Variants in FBN1 observed in about 807,000 individuals in gnomAD.
FBN1 encodes fibrillin 1, also known as fibrillin-1.
FBN1 carries 29 observed loss-of-function variants against 365.1 expected under a neutral mutation model. The ratio of observed to expected loss-of-function variants is 0.08; its 90% CI spans 0.06 to 0.11. FBN1 has a LOEUF of 0.11. FBN1 is among the 10% of genes least tolerant of loss of function. The pLI, the probability that FBN1 is intolerant of heterozygous loss-of-function variation, is 1.00. For synonymous variants in FBN1, 1,210 were observed against 1,270.5 expected, an observed-to-expected ratio of 0.95 and a Z score of 1.01; for missense variants, 2,476 against 3,703.2, an observed-to-expected ratio of 0.67 and a Z score of 8.60.
At chr15:48,465,536 C>G in intron 40 of FBN1, 32 bp downstream of exon 40, 3 of 1,613,472 alleles carry the variant, frequency 1.9e-6, no homozygotes, top group Non-Finnish European at 2.5e-6. Context: ...TTGATATCTG[C>G]AAGACCTTAT....
intron 32 of FBN1, among the ~76,000 whole-genome samples, chr15:48,481,444 C>A (rs559792042): frequency 6.6e-6 from 1 of 152,022 alleles, no homozygotes; most frequent in South Asian, 2.1e-4. Context: ...CCTTTTTCCC[C>A]CCACAGGTCA....
chr15:48,416,107 G>C (rs1360507819), intron 63 of FBN1, among the ~76,000 whole-genome samples: 1 of 152,162 alleles, frequency 6.6e-6, no homozygotes, highest in African/African-American at 2.4e-5. Context: ...TAAACATCCG[G>C]TCATGAACCA....
chr15:48,447,152 G>A (rs867495653), intron 46 of FBN1, among the ~76,000 whole-genome samples: 5 of 152,094 alleles, frequency 3.3e-5, no homozygotes, highest in Non-Finnish European at 5.9e-5. Context: ...ACTTGAAAAT[G>A]GAAAAAACTC....
chr15:48,586,224 TG>T (rs1423876817), intron 6 of FBN1, among the ~76,000 whole-genome samples: 1 of 152,030 alleles, frequency 6.6e-6, no homozygotes, highest in Non-Finnish European at 1.5e-5. Flanking sequence ...TTAAAGTGAA[TG>T]GCAAAAACCA....
At chr15:48,617,243 C>T (rs925588884) in intron 2 of FBN1, among the ~76,000 whole-genome samples, 7 of 152,018 alleles carry the variant, frequency 4.6e-5, no homozygotes, top group East Asian at 3.9e-4. Context: ...AGTGCGATCT[C>T]GGCTCACCTC....
chr15:48,604,109 T>C (rs2044588027), intron 4 of FBN1, among the ~76,000 whole-genome samples: 1 of 148,370 alleles, frequency 6.7e-6, no homozygotes, highest in African/African-American at 2.6e-5. Flanking sequence ...AAATGATTCA[T>C]CAGAAAAGAA....
intron 64 of FBN1, 60 bp from the exon 65 acceptor site, chr15:48,412,803 A>T: frequency 6.3e-7 from 1 of 1,595,684 alleles, no homozygotes; most frequent in South Asian, 1.1e-5. Flanking sequence ...GGTAGGTGGT[A>T]CAAGAGTTCT....
At chr15:48,594,100 C>A (rs2044499809) in intron 6 of FBN1, among the ~76,000 whole-genome samples, 2 of 152,166 alleles carry the variant, frequency 1.3e-5, no homozygotes, top group Non-Finnish European at 2.9e-5. Context: ...GTAAGAGAAT[C>A]TACTGCCTCT....
At chr15:48,444,162 C>T (rs955953456) in intron 49 of FBN1, among the ~76,000 whole-genome samples, 2 of 152,138 alleles carry the variant, frequency 1.3e-5, no homozygotes, top group Non-Finnish European at 2.9e-5. Context: ...TTCATCCAAC[C>T]TTGAATGTGG....
intron 63 of FBN1, among the ~76,000 whole-genome samples, chr15:48,416,071 T>A (rs2042901531): frequency 6.6e-6 from 1 of 152,160 alleles, no homozygotes; most frequent in African/African-American, 2.4e-5. Flanking sequence ...TCATCAGAAG[T>A]CAACACTGGT....
In FBN1 at chr15:48,410,715, C is replaced by A; in HGVS notation, c.*275G>T. 1 of 415,442 alleles carries A rather than the reference C, an allele frequency of 2.4e-6. No individual in the cohort carries two copies. The highest frequency in any genetic ancestry group is 4.3e-6 in the Non-Finnish European group (1 of 232,222). 25.7% of individuals were successfully genotyped at this position (415,442 alleles called of 1,614,324 possible). The stretch of plus-strand genomic sequence containing the variant: ...AGGATGGCATGTCAGCATAAATGGC[C>A]AACCCCCAATGGAAATACACGTCCC... On this transcript the variant is annotated 3_prime_UTR_variant, in exon 66 of 66. Transcript: ENST00000316623.
chr15:48,497,968 C>A (rs1414250356), intron 18 of FBN1, among the ~76,000 whole-genome samples: 8 of 152,206 alleles, frequency 5.3e-5, no homozygotes. Context: ...ATGCTTGGAG[C>A]AGGCCTATTT....
chr15:48,637,547 C>G (rs1890115959), intron 2 of FBN1, among the ~76,000 whole-genome samples: 1 of 152,184 alleles, frequency 6.6e-6, no homozygotes, highest in South Asian at 2.1e-4. Flanking sequence ...TGTCCTAAGA[C>G]CTCAGACACT....
chr15:48,446,607 C>T (rs2043161118), intron 47 of FBN1, 99 bp downstream of exon 47: 1 of 799,662 alleles, frequency 1.3e-6, no homozygotes, highest in African/African-American at 1.7e-5. Context: ...AGATAGCATA[C>T]ATTTTTAAAA....
At chr15:48,458,310 T>G (rs1398225655) in intron 43 of FBN1, among the ~76,000 whole-genome samples, 1 of 152,112 alleles carries the variant, frequency 6.6e-6, no homozygotes, top group African/African-American at 2.4e-5. Context: ...ATGTCATAGA[T>G]TTATTTTAGA....
At chr15:48,520,843 C>A (rs1309668510) in intron 9 of FBN1, 26 bp from the exon 10 acceptor site, 1 of 1,613,980 alleles carries the variant, frequency 6.2e-7, no homozygotes, top group Non-Finnish European at 8.5e-7. Flanking sequence ...CACATACACA[C>A]ACACACATCG....
At chr15:48,568,230 A>G (rs2044276616) in intron 6 of FBN1, among the ~76,000 whole-genome samples, 1 of 151,874 alleles carries the variant, frequency 6.6e-6, no homozygotes, top group South Asian at 2.1e-4. Flanking sequence ...AACAATGAAC[A>G]ATCAGAAAAT....
chr15:48,581,152 C>T (rs1383318567), intron 6 of FBN1, among the ~76,000 whole-genome samples: 1 of 152,200 alleles, frequency 6.6e-6, no homozygotes, highest in Non-Finnish European at 1.5e-5. Context: ...TGACCATCTA[C>T]TCTGTGTTAG....
intron 32 of FBN1, chr15:48,476,820 G>T: frequency 6.4e-6 from 1 of 155,310 alleles, no homozygotes; most frequent in Non-Finnish European, 1.3e-5. Flanking sequence ...GTAGGGATGG[G>T]GTATCACCAT....
Sources: gnomAD v4.1 joint callset for allele counts (sites outside exome capture counted in the v4.1 genomes callset) on GRCh38, gnomAD v4.1.1 for gene constraint, MANE v1.5 for transcripts, NCBI Gene and HGNC (gene_info 2026-07-23, HGNC 2026-07-21) for gene names.